Variants in PCDHGB3 observed in about 807,000 individuals in gnomAD.
The protein encoded by PCDHGB3 is protocadherin gamma subfamily B, 3, also known as protocadherin gamma-B3.
PCDHGB3 carries 40 observed loss-of-function variants against 59.2 expected under a neutral mutation model. The ratio of observed to expected loss-of-function variants is 0.68; its 90% CI spans 0.52 to 0.88. The LOEUF (loss-of-function observed/expected upper bound fraction) is 0.88. Ranked by LOEUF, PCDHGB3 falls within the 40% of genes least tolerant of loss-of-function variation. The probability of loss-of-function intolerance (pLI) is 0.00; values close to 1 mark genes in which losing one functional copy is unlikely to be tolerated. For missense variants in PCDHGB3, 1,309 were observed against 1,187.9 expected (o/e 1.10, Z -1.50); for synonymous variants, 581 against 503.6 (o/e 1.15, Z -2.06).
In PCDHGB3 at chr5:141,512,009, CAAGTT is replaced by C. The variant is rs1409890580; in HGVS notation, c.*838_*842del. On this transcript the variant is annotated 3_prime_UTR_variant, in exon 4 of 4. Transcript: ENST00000576222. ...GGGGCATGGACAAAGCTTGACACATCAAGTTATCAAGGCCTTGGAGGAGGCTCTGT... is the reference window on the plus strand; with the variant it reads ...GGGGCATGGACAAAGCTTGACACATCATCAAGGCCTTGGAGGAGGCTCTGT... 1 of 153,074 alleles carries C rather than the reference CAAGTT, an allele frequency of 6.5e-6. No individual in the cohort carries two copies. The highest frequency in any genetic ancestry group is 1.9e-4 in the East Asian group (1 of 5,182). 9.5% of individuals were successfully genotyped at this position (153,074 alleles called of 1,614,324 possible).
In PCDHGB3 at chr5:141,413,208, A is replaced by G. The variant is rs532127106; in HGVS notation, c.2415+40399A>G. The G allele has an allele frequency of 3.5e-5, 57 of 1,612,984 alleles. No individual in the cohort carries two copies. The African/African-American group carries it at 5.2e-4, about 15-fold the overall frequency. On this transcript the variant is annotated intron_variant, in intron 1 of 3. Coordinates refer to ENST00000576222, the MANE Select transcript of PCDHGB3 (RefSeq NM_018924.5). ...CTCAAAGGAATCGCTCAAAGGAATC[A>G]AAGGATTGCAGCGGGCTGGTCCTGC... is the stretch of plus-strand genomic sequence containing the variant.
intron 1 of PCDHGB3, chr5:141,418,009 C>G (rs780624400): frequency 6.2e-7 from 1 of 1,613,776 alleles, no homozygotes; most frequent in African/African-American, 1.3e-5. Context: ...TGGGGAACCT[C>G]GCTAAGGATC....
In PCDHGB3 at chr5:141,409,983, T is replaced by C. The variant is rs1481655663; in HGVS notation, c.2415+37174T>C. The C allele has an allele frequency of 1.2e-6, 2 of 1,613,160 alleles. No individual in the cohort carries two copies. Among genetic ancestry groups the C allele is most frequent in the African/African-American group, 2.7e-5 (2 of 74,914 alleles). On this transcript the variant is annotated intron_variant, in intron 1 of 3. Coordinates refer to ENST00000576222, the MANE Select transcript of PCDHGB3 (RefSeq NM_018924.5). ...TACCTAGTGACTAAGGTGGTAGCGG[T>C]GGACGCCGACTCGGGACACAACGCC... is the stretch of plus-strand genomic sequence containing the variant.
rs369637121 is a variant in PCDHGB3 at position 141,388,619 on chromosome 5, C to G, written c.2415+15810C>G. ...ATAATGCTCCAGTGTTCAGTCAAGA[C>G]GTATACAGGGTGAGCCTTTCAGAAA... On this transcript the variant is annotated intron_variant, in intron 1 of 3. Transcript: ENST00000576222. 18 of 1,613,852 alleles carry G rather than the reference C, an allele frequency of 1.1e-5. No individual in the cohort carries two copies. The African/African-American group carries it at 1.7e-4, about 16-fold the overall frequency.
chr5:141,475,885 A>T, intron 1 of PCDHGB3: 1 of 556,524 alleles, frequency 1.8e-6, no homozygotes, highest in Non-Finnish European at 3.2e-6. Flanking sequence ...ATTGGCTGGG[A>T]CTCTGTGTGC....
rs1353509218 is a variant in PCDHGB3, at chr5:141,512,908, TTTATACTC to T, written c.*1737_*1744del. ...CCCTCTTCCTGTGTCTCACGCAAGTTTTATACTCTAATATTTATATGGCTTTTTTTCTT... is the reference window on the plus strand; with the variant it reads ...CCCTCTTCCTGTGTCTCACGCAAGTTTAATATTTATATGGCTTTTTTTCTT... On this transcript the variant is annotated 3_prime_UTR_variant, in exon 4 of 4. Transcript: ENST00000576222. 6.6e-6 allele frequency: 1 copy of T among 152,268 alleles called. No individual in the cohort carries two copies. Among genetic ancestry groups the T allele is most frequent in the Non-Finnish European group, 1.5e-5 (1 of 68,054 alleles). 9.4% of individuals were successfully genotyped at this position (152,268 alleles called of 1,614,324 possible).
chr5:141,485,964 T>A lies in PCDHGB3; in HGVS notation c.2416-8843T>A. 1 of 1,614,162 alleles carries A rather than the reference T, an allele frequency of 6.2e-7. No homozygotes were observed. The highest frequency in any genetic ancestry group is 8.5e-7 in the Non-Finnish European group (1 of 1,180,000). On this transcript the variant is annotated intron_variant, in intron 1 of 3. Transcript: ENST00000576222. The surrounding 1 kb of genome is among the most constrained non-coding windows in gnomAD (Gnocchi z 5.7). ...CCAGCGGGCATGGTGCTCATCCAGC[T>A]CAATGCCTCAGACCCGGACCTGGGT...
chr5:141,403,416 C>G, intron 1 of PCDHGB3: 1 of 1,614,034 alleles, frequency 6.2e-7, no homozygotes, highest in Non-Finnish European at 8.5e-7. Flanking sequence ...TATCCACTTC[C>G]AGAAGCTATT....
At chr5:141,399,255 G>A (rs767281843) in intron 1 of PCDHGB3, 6 of 1,613,892 alleles carry the variant, frequency 3.7e-6, no homozygotes, top group Non-Finnish European at 5.1e-6. Context: ...GGGAAAATGG[G>A]GAGGTTAATT....
At chr5:141,414,733 G>A (rs768741206) in intron 1 of PCDHGB3, 2 of 1,614,174 alleles carry the variant, frequency 1.2e-6, no homozygotes. Flanking sequence ...CGTCCTGTAT[G>A]CACTCAGATC....
chr5:141,417,905 G>A (rs1462731893), intron 1 of PCDHGB3: 1 of 1,593,646 alleles, frequency 6.3e-7, no homozygotes, highest in Admixed American at 1.8e-5. Flanking sequence ...CCCGCGGCAG[G>A]TACTATTTCC....
intron 1 of PCDHGB3, chr5:141,420,114 A>G: frequency 6.2e-7 from 1 of 1,614,032 alleles, no homozygotes; most frequent in Non-Finnish European, 8.5e-7. Context: ...CCCTATGCCT[A>G]TAATTTTTGT....
chr5:141,370,466 G>A lies in PCDHGB3; in HGVS notation c.72G>A (p.Leu24=). ...RRMLFLFLLS[L]LDQALSEPIR... is the part of the protein sequence containing the mutation. ...TGCTATTTCTCTTCCTGCTCTCTTT[G>A]TTAGACCAGGCTCTCTCCGAACCGA... Residue 24 remains leucine, a synonymous_variant, in exon 1 of 4, where the codon TTG becomes TTA. Coordinates refer to ENST00000576222, the MANE Select transcript of PCDHGB3 (RefSeq NM_018924.5). The A allele has an allele frequency of 6.2e-7, 1 of 1,613,220 alleles. No homozygotes were observed. The highest frequency in any genetic ancestry group is 8.5e-7 in the Non-Finnish European group (1 of 1,179,562).
Position 141,476,876 on chromosome 5 carries a change from C to A in PCDHGB3, c.2416-17931C>A, listed in dbSNP as rs1201654822. 1.2e-6 allele frequency: 2 copies of A among 1,613,994 alleles called. No individual in the cohort carries two copies. Among genetic ancestry groups the A allele is most frequent in the Non-Finnish European group, 1.7e-6 (2 of 1,180,048 alleles). ...CCAGTCCTTGTACCGGGCGCGCGTC[C>A]TGGAGGATGCACCCTCCGGCACGCG... On this transcript the variant is annotated intron_variant, in intron 1 of 3. Transcript: ENST00000576222. The surrounding 1 kb of genome is among the most constrained non-coding windows in gnomAD (Gnocchi z 7.6).
intron 1 of PCDHGB3, chr5:141,419,715 T>C: frequency 6.2e-7 from 1 of 1,613,288 alleles, no homozygotes. Flanking sequence ...CTCTTCAGCC[T>C]GGGGCTGCGA....
intron 1 of PCDHGB3, among the ~76,000 whole-genome samples, chr5:141,463,239 C>G (rs1012919667): frequency 1.3e-5 from 2 of 151,950 alleles, no homozygotes; most frequent in African/African-American, 4.8e-5. Context: ...CTTTGTGTAG[C>G]TCCATTCTCT....
chr5:141,411,001 C>G lies in PCDHGB3; in HGVS notation c.2415+38192C>G, dbSNP rs2095456042. 1.8e-5 allele frequency: 3 copies of G among 168,822 alleles called. No individual in the cohort carries two copies. The South Asian group carries it at 4.7e-4, about 26-fold the overall frequency. The allele number at this position is 168,822 out of a possible 1,614,324, so 10.5% of individuals were successfully genotyped here. ...CCCAAGTAGCTGGGATTACTGGTGC[C>G]CCTCACCACAGCTAAATTTTTTGTA... On this transcript the variant is annotated intron_variant, in intron 1 of 3. Coordinates refer to ENST00000576222, the MANE Select transcript of PCDHGB3 (RefSeq NM_018924.5).
At chr5:141,388,972 A>G in intron 1 of PCDHGB3, 1 of 1,614,008 alleles carries the variant, frequency 6.2e-7, no homozygotes, top group Non-Finnish European at 8.5e-7. Context: ...CTGGGAACAC[A>G]TATTGCTTTG....
In PCDHGB3 at chr5:141,489,594, TGTAGAG is replaced by T. The variant is rs1298302866; in HGVS notation, c.2416-5206_2416-5201del. 1 of 1,613,958 alleles carries T rather than the reference TGTAGAG, an allele frequency of 6.2e-7. No homozygotes were observed. The highest frequency in any genetic ancestry group is 1.3e-5 in the African/African-American group (1 of 74,906). ...CTGAACACCCCCTGGAGCTAATCCG[TGTAGAG>T]GTAGAGATCCTGGATCTCAATGACA... On this transcript the variant is annotated intron_variant, in intron 1 of 3. Coordinates refer to ENST00000576222, the MANE Select transcript of PCDHGB3 (RefSeq NM_018924.5). The surrounding 1 kb of genome is among the most constrained non-coding windows in gnomAD (Gnocchi z 4.5).
Sources: gnomAD v4.1 joint callset for allele counts (sites outside exome capture counted in the v4.1 genomes callset) on GRCh38, gnomAD v4.1.1 for gene constraint, Gnocchi (gnomAD v3.1) non-coding constraint, MANE v1.5 for transcripts, NCBI Gene and HGNC (gene_info 2026-07-23, HGNC 2026-07-21) for gene names.